Variants in KIFBP observed in about 807,000 individuals in gnomAD.
The protein encoded by KIFBP is kinesin family binding protein.
A neutral mutation model predicts 58.9 loss-of-function variants in KIFBP; 46 were observed. The ratio of observed to expected loss-of-function variants is 0.78; its 90% confidence interval spans 0.62 to 1.00. The LOEUF (loss-of-function observed/expected upper bound fraction) is 1.00, where lower values mean the gene tolerates loss of function less well. KIFBP is among the 50% of genes least tolerant of loss of function. The pLI, the probability that KIFBP is intolerant of heterozygous loss-of-function variation, is 0.00. For synonymous variants in KIFBP, 241 were observed against 283.4 expected, an observed-to-expected ratio of 0.85 and a Z score of 1.50; for missense variants, 651 against 752.9, an observed-to-expected ratio of 0.86 and a Z score of 1.58.
At chr10:68,997,960 C>T (rs572034571) in intron 1 of KIFBP, among the ~76,000 whole-genome samples, 18 of 151,824 alleles carry the variant, frequency 1.2e-4, no homozygotes, top group African/African-American at 4.3e-4. Context: ...AAATCTGAAA[C>T]CATGAAACCA....
chr10:69,008,280 G>A (rs901165175), intron 4 of KIFBP, among the ~76,000 whole-genome samples: 1 of 150,298 alleles, frequency 6.7e-6, no homozygotes. Context: ...GAGGCTAAAG[G>A]TGGGAGGATC....
At position 69,010,995 on chromosome 10, in the gene KIFBP, A is replaced by C; in HGVS notation, c.970A>C (p.Asn324His). 6.2e-7 allele frequency: 1 copy of C among 1,613,494 alleles called. No individual in the cohort carries two copies. The highest frequency in any genetic ancestry group is 8.5e-7 in the Non-Finnish European group (1 of 1,179,402). ...CAAATACTGTTTGACTCTCATGCAG[A>C]ATGCCCAACTCTCCATGCAGGTAAT... ...WIKYCLTLMQ[N>H]AQLSMQDNIG... Residue 324 changes from asparagine (N) to histidine (H), a missense_variant, in exon 6 of 7, where the codon AAT (asparagine) becomes CAT (histidine). By Grantham distance (68) the Asn-to-His change is moderately conservative (BLOSUM62 1). Coordinates refer to ENST00000361983, the MANE Select transcript of KIFBP (RefSeq NM_015634.4).
chr10:68,998,819 A>C (rs1431525827), intron 1 of KIFBP, among the ~76,000 whole-genome samples: 1 of 130,198 alleles, frequency 7.7e-6, no homozygotes, highest in African/African-American at 2.9e-5. Flanking sequence ...TCTGTAGCCC[A>C]GGCTGGAGTG....
intron 5 of KIFBP, 149 bp from the exon 6 acceptor site, chr10:69,010,751 G>C: frequency 1.5e-6 from 1 of 655,940 alleles, no homozygotes; most frequent in Non-Finnish European, 2.7e-6. Flanking sequence ...TTTGGGGGGG[G>C]ATCTTTCTTC....
rs1288895796 is a variant in KIFBP, at chr10:69,008,943, T to A, written c.874+18T>A. On this transcript the variant is annotated intron_variant, in intron 5 of 6. Coordinates refer to ENST00000361983, the MANE Select transcript of KIFBP (RefSeq NM_015634.4). ...AGAAGACAGTAAGTTTACCTTTGCA[T>A]GTTTTACATAGCTTTTAAAAAAAGT... 1 of 1,580,522 alleles carries A rather than the reference T, an allele frequency of 6.3e-7. No individual in the cohort carries two copies. The highest frequency in any genetic ancestry group is 1.7e-5 in the Admixed American group (1 of 59,926).
chr10:69,014,386 G>A (rs1843624861), intron 6 of KIFBP, among the ~76,000 whole-genome samples: 2 of 152,196 alleles, frequency 1.3e-5, no homozygotes, highest in Non-Finnish European at 2.9e-5. Context: ...TCAAGGAGCT[G>A]AAGCAACATG....
rs759061022 is a variant in KIFBP at position 68,989,212 on chromosome 10, G to A, written c.380G>A (p.Arg127Lys). 1 of 1,613,632 alleles carries A rather than the reference G, an allele frequency of 6.2e-7. No individual in the cohort carries two copies. The highest frequency in any genetic ancestry group is 1.1e-5 in the South Asian group (1 of 91,066). Residue 127 changes from arginine to lysine, a missense_variant, in exon 1 of 7, where the codon AGG (arginine) becomes AAG (lysine). Arg to Lys is a conservative substitution (Grantham distance 26). Coordinates refer to ENST00000361983, the MANE Select transcript of KIFBP (RefSeq NM_015634.4). ...GTGAAATGCCTGCGGCTGCTGCGCA[G>A]GTACCGGCTCTCGCACGACTGCATC... ...HLVKCLRLLR[R>K]YRLSHDCISL...
Position 69,015,850 on chromosome 10 carries a change from G to C in KIFBP, c.1300G>C (p.Ala434Pro). The change falls in exon 7 of 7, where the codon GCA becomes CCA. Residue 434 changes from alanine (A) to proline (P), a missense_variant. Ala to Pro is a conservative substitution (Grantham distance 27, BLOSUM62 -1). Transcript: ENST00000361983. Reference protein sequence around the residue: ...QDHSALFKVLAFFETDMERRC... With the variant: ...QDHSALFKVLPFFETDMERRC... ...CCACAGTGCTCTGTTTAAGGTGCTT[G>C]CATTCTTTGAAACTGACATGGAGAG... 6.2e-7 allele frequency: 1 copy of C among 1,614,178 alleles called. No individual in the cohort carries two copies. Among genetic ancestry groups the C allele is most frequent in the South Asian group, 1.1e-5 (1 of 91,082 alleles).
intron 4 of KIFBP, 46 bp from the exon 5 acceptor site, chr10:69,008,795 A>G (rs1843563026): frequency 7.1e-7 from 1 of 1,405,766 alleles, no homozygotes; most frequent in Admixed American, 1.7e-5. Flanking sequence ...AGTTGCAAAT[A>G]AAGCTGTGTG....
Position 69,000,535 on chromosome 10 carries a change from T to G in KIFBP, c.525+13T>G, listed in dbSNP as rs762105924. The G allele has an allele frequency of 1.6e-5, 23 of 1,474,116 alleles. No individual in the cohort carries two copies. In the African/African-American group the frequency reaches 3.2e-4, roughly 20 times the overall value. 91.3% of individuals were successfully genotyped at this position (1,474,116 alleles called of 1,614,324 possible). A position where few individuals can be genotyped will look rare whatever the true frequency, so the allele number is the denominator to read the frequency against. On this transcript the variant is annotated intron_variant, in intron 2 of 6. Transcript: ENST00000361983. ...GTATATGAAAGAGGTATGTTACATGTCAGATGAGTTTTAAGTTTTGATTGA... is the reference window on the plus strand; with the variant it reads ...GTATATGAAAGAGGTATGTTACATGGCAGATGAGTTTTAAGTTTTGATTGA...
chr10:68,989,471 C>T (rs1843317325), intron 1 of KIFBP: 1 of 607,378 alleles, frequency 1.6e-6, no homozygotes, highest in African/African-American at 1.8e-5. Flanking sequence ...AGTCGGCCGT[C>T]CCCAGACTCC....
rs6864 is a variant in KIFBP at position 69,016,838 on chromosome 10, A to C, written c.*422A>C. ...TCCTTCTAAAATATTTGACTTCCTAAATTCCCCCCACCCAAAATCTTTCCC... is the reference window on the plus strand; with the variant it reads ...TCCTTCTAAAATATTTGACTTCCTACATTCCCCCCACCCAAAATCTTTCCC... On this transcript the variant is annotated 3_prime_UTR_variant, in exon 7 of 7. Coordinates refer to ENST00000361983, the MANE Select transcript of KIFBP (RefSeq NM_015634.4). 65,440 of 155,812 alleles carry C rather than the reference A, an allele frequency of 0.42. 14,167 individuals carry two copies. The highest frequency in any genetic ancestry group is 0.49 in the Non-Finnish European group (34,258 of 70,506). 9.7% of individuals were successfully genotyped at this position (155,812 alleles called of 1,614,324 possible). A position where few individuals can be genotyped will look rare whatever the true frequency, so the allele number is the denominator to read the frequency against.
intron 4 of KIFBP, among the ~76,000 whole-genome samples, chr10:69,008,419 T>TATATATATATATATATATA (rs1564637637): frequency 8.7e-5 from 12 of 137,592 alleles, no homozygotes; most frequent in African/African-American, 2.3e-4. Context: ...TATATATATA[T>TATATATATATATATATATA]TCAGTCTTCT....
chr10:69,007,563 A>C (rs1843548627), intron 4 of KIFBP: 1 of 152,224 alleles, frequency 6.6e-6, no homozygotes, highest in Non-Finnish European at 1.5e-5. Context: ...AGATAATTAA[A>C]GTTTCATTAT....
chr10:69,016,671 ACATT>A lies in KIFBP; in HGVS notation c.*256_*259del. On this transcript the variant is annotated 3_prime_UTR_variant, in exon 7 of 7. Coordinates refer to ENST00000361983, the MANE Select transcript of KIFBP (RefSeq NM_015634.4). ...ATGCTTGTTTCCTATTAAAATACAG[ACATT>A]TCTACCCTCAGTTTCTAAATGTAGA... 2.2e-6 allele frequency: 1 copy of A among 452,256 alleles called. No individual in the cohort carries two copies. The highest frequency in any genetic ancestry group is 4.0e-6 in the Non-Finnish European group (1 of 251,906). 28.0% of individuals were successfully genotyped at this position (452,256 alleles called of 1,614,324 possible). A position where few individuals can be genotyped will look rare whatever the true frequency, so the allele number is the denominator to read the frequency against.
intron 2 of KIFBP, among the ~76,000 whole-genome samples, chr10:69,001,302 A>T (rs1843462394): frequency 6.6e-6 from 1 of 152,162 alleles, no homozygotes; most frequent in South Asian, 2.1e-4. Context: ...GGGAGCCAAC[A>T]TTGAAAACTC....
Position 68,988,892 on chromosome 10 carries a change from G to A in KIFBP, c.60G>A (p.Ser20=). 2.5e-6 allele frequency: 4 copies of A among 1,614,268 alleles called. No homozygotes were observed. Among genetic ancestry groups the A allele is most frequent in the Non-Finnish European group, 3.4e-6 (4 of 1,180,052 alleles). Residue 20 remains serine (S), a synonymous_variant, in exon 1 of 7, where the codon TCG becomes TCA. Coordinates refer to ENST00000361983, the MANE Select transcript of KIFBP (RefSeq NM_015634.4). ...CEKFQAALAL[S]RVELHKNPEK... is the part of the protein sequence containing the mutation. ...AATTCCAGGCGGCGCTCGCTCTGTC[G>A]CGGGTGGAACTGCATAAAAATCCGG...
rs541257613 is a variant in KIFBP at position 68,994,175 on chromosome 10, G to A, written c.426+4917G>A. Among the ~76,000 whole-genome samples, 22 of 151,222 alleles carry A rather than the reference G, an allele frequency of 1.5e-4. No homozygotes were observed. The South Asian group carries it at 4.6e-3, about 32-fold the overall frequency. ...CACTCCAGCCTGGGTGACAGAGTAA[G>A]ACCCTGTCTCAGAAAAAAAAAAAAT... On this transcript the variant is annotated intron_variant, in intron 1 of 6. Coordinates refer to ENST00000361983, the MANE Select transcript of KIFBP (RefSeq NM_015634.4).
rs777605616 is a variant in KIFBP, at chr10:69,005,028, T to C, written c.526-18T>C. 1 of 1,599,110 alleles carries C rather than the reference T, an allele frequency of 6.3e-7. No homozygotes were observed. The stretch of plus-strand genomic sequence containing the variant: ...ACAGTTTAAAACTTTAAAGAGCTTT[T>C]GTTTTTCTTAATTGTAGGTTGGGAG... On this transcript the variant is annotated intron_variant, in intron 2 of 6. Transcript: ENST00000361983.
Sources: gnomAD v4.1 joint callset for allele counts (sites outside exome capture counted in the v4.1 genomes callset) on GRCh38, gnomAD v4.1.1 for gene constraint, MANE v1.5 for transcripts, NCBI Gene and HGNC (gene_info 2026-07-23, HGNC 2026-07-21) for gene names.